Variants in GRHL2 observed in about 807,000 individuals in gnomAD.
GRHL2 encodes grainyhead like transcription factor 2.
In GRHL2, 21 loss-of-function variants were observed where a neutral mutation model predicts 83.8. The ratio of observed to expected loss-of-function variants is 0.25; its 90% CI spans 0.18 to 0.36. The LOEUF is 0.36. Among genes scored for constraint, GRHL2 ranks in the 10% least tolerant of loss-of-function variants. The pLI is 1.00. For missense variants in GRHL2, 623 were observed against 781.8 expected, an observed-to-expected ratio of 0.80 and a Z score of 2.42; for synonymous variants, 280 against 278.9, an observed-to-expected ratio of 1.00 and a Z score of -0.04.
At chr8:101,582,318 T>G (rs1812070991) in intron 7 of GRHL2, among the ~76,000 whole-genome samples, 1 of 152,120 alleles carries the variant, frequency 6.6e-6, no homozygotes, top group Non-Finnish European at 1.5e-5. Context: ...GGGTGGATAC[T>G]CTCATGCACG....
intron 14 of GRHL2, among the ~76,000 whole-genome samples, chr8:101,657,856 AAAAAAG>A (rs1003787997): frequency 2.0e-5 from 3 of 151,530 alleles, no homozygotes; most frequent in Non-Finnish European, 3.0e-5. Flanking sequence ...CAGAAAAAGA[AAAAAAG>A]AAAAACACAA....
chr8:101,528,341 G>A (rs935577803), intron 1 of GRHL2, among the ~76,000 whole-genome samples: 14 of 151,456 alleles, frequency 9.2e-5, no homozygotes, highest in African/African-American at 2.9e-4. Context: ...TAAAAATCAT[G>A]TAACTTGTTT....
At chr8:101,557,873 T>C (rs1239920442) in intron 3 of GRHL2, among the ~76,000 whole-genome samples, 3 of 152,098 alleles carry the variant, frequency 2.0e-5, no homozygotes, top group African/African-American at 7.2e-5. Flanking sequence ...GGTTAGGTTT[T>C]GTTTTGTTTT....
At chr8:101,593,177 C>T (rs938974775) in intron 7 of GRHL2, among the ~76,000 whole-genome samples, 2 of 152,026 alleles carry the variant, frequency 1.3e-5, no homozygotes, top group African/African-American at 2.4e-5. Flanking sequence ...AACTCCTGAC[C>T]TCAGATGATC....
chr8:101,549,515 G>A (rs941760994), intron 2 of GRHL2, among the ~76,000 whole-genome samples: 13 of 152,204 alleles, frequency 8.5e-5, no homozygotes, highest in Admixed American at 6.5e-4. Context: ...GTGTCCAGGG[G>A]CAGGGGATGG....
At chr8:101,648,902 C>T (rs1275115736) in intron 13 of GRHL2, among the ~76,000 whole-genome samples, 2 of 152,188 alleles carry the variant, frequency 1.3e-5, no homozygotes, top group Admixed American at 6.5e-5. Flanking sequence ...GCACTGTTTC[C>T]TGACATTTTC....
chr8:101,558,498 G>A lies in GRHL2; in HGVS notation c.364G>A (p.Val122Met). Residue 122 changes from valine to methionine, a missense_variant, in exon 4 of 16, where the codon GTG becomes ATG. Coordinates refer to ENST00000646743, the MANE Select transcript of GRHL2 (RefSeq NM_024915.4). The part of the protein sequence containing the change: ...NRVQVLKTVP[V>M]NLSLNQDHLE... ...AGTGCAAGTCCTAAAGACTGTTCCA[G>A]TGAACCTTTCCCTAAATCAAGATCA... The A allele has an allele frequency of 6.2e-7, 1 of 1,614,188 alleles. No homozygotes were observed. The highest frequency in any genetic ancestry group is 8.5e-7 in the Non-Finnish European group (1 of 1,180,036).
At chr8:101,554,026 T>C (rs1271982802) in intron 3 of GRHL2, among the ~76,000 whole-genome samples, 2 of 152,210 alleles carry the variant, frequency 1.3e-5, no homozygotes, top group Admixed American at 6.5e-5. Context: ...GGTTCTTCCA[T>C]ATGGAAGTAA....
chr8:101,623,120 A>G lies in GRHL2; in HGVS notation c.1257+3423A>G, dbSNP rs554986583. Among the ~76,000 whole-genome samples the G allele has an allele frequency of 1.8e-4, 28 of 152,376 alleles. No homozygotes were observed. The South Asian group carries it at 5.8e-3, about 32-fold the overall frequency. The stretch of plus-strand genomic sequence containing the variant: ...TTAGCAGTGGCAGGAGAAAGCAGAG[A>G]TGGTAAGGAAAACAGAAAGAAAACG... On this transcript the variant is annotated intron_variant, in intron 9 of 15. Coordinates refer to ENST00000646743, the MANE Select transcript of GRHL2 (RefSeq NM_024915.4).
chr8:101,528,041 G>A (rs1810843019), intron 1 of GRHL2, among the ~76,000 whole-genome samples: 1 of 151,928 alleles, frequency 6.6e-6, no homozygotes, highest in African/African-American at 2.4e-5. Flanking sequence ...CCAACACTTC[G>A]GTGCCTTGCC....
intron 5 of GRHL2, among the ~76,000 whole-genome samples, chr8:101,572,447 A>G (rs1586107186): frequency 6.6e-6 from 1 of 152,264 alleles, no homozygotes; most frequent in African/African-American, 2.4e-5. Context: ...AAGTTAAAAA[A>G]TAAATAAAAC....
At chr8:101,509,172 T>TTCTTTCTTTTTCTTTCTTTTCTCTC (rs1554581582) in intron 1 of GRHL2, among the ~76,000 whole-genome samples, 2 of 86,586 alleles carry the variant, frequency 2.3e-5, no homozygotes, top group Non-Finnish European at 5.8e-5. Context: ...CTTTCTTTCT[T>TTCTTTCTTTTTCTTTCTTTTCTCTC]TTTCTTTCTT....
intron 1 of GRHL2, among the ~76,000 whole-genome samples, chr8:101,536,444 T>C (rs1403895253): frequency 5.9e-5 from 9 of 152,226 alleles, no homozygotes; most frequent in Non-Finnish European, 1.2e-4. Flanking sequence ...GCTTTTATAG[T>C]GTGTCAGTAT....
At chr8:101,564,477 A>G (rs1356239981) in intron 4 of GRHL2, among the ~76,000 whole-genome samples, 2 of 152,122 alleles carry the variant, frequency 1.3e-5, no homozygotes, top group African/African-American at 2.4e-5. Flanking sequence ...GCTTTAACTC[A>G]GGCTGGGATT....
intron 9 of GRHL2, among the ~76,000 whole-genome samples, chr8:101,625,059 G>T (rs1227400592): frequency 6.6e-6 from 1 of 152,098 alleles, no homozygotes; most frequent in Non-Finnish European, 1.5e-5. Flanking sequence ...ATTTTCAAAT[G>T]ATGTATAACA....
intron 7 of GRHL2, among the ~76,000 whole-genome samples, chr8:101,581,893 G>T (rs1382460496): frequency 6.6e-6 from 1 of 152,198 alleles, no homozygotes; most frequent in African/African-American, 2.4e-5. Flanking sequence ...TAGGAAGGGT[G>T]CTGCAAGTTG....
chr8:101,498,750 G>C (rs1306532775), intron 1 of GRHL2, among the ~76,000 whole-genome samples: 1 of 152,134 alleles, frequency 6.6e-6, no homozygotes, highest in Non-Finnish European at 1.5e-5. Context: ...ATTTCTACTA[G>C]GCTCAGGAAA....
intron 1 of GRHL2, among the ~76,000 whole-genome samples, chr8:101,503,797 A>G (rs1810279949): frequency 6.6e-6 from 1 of 152,242 alleles, no homozygotes; most frequent in African/African-American, 2.4e-5. Flanking sequence ...AGTGTTCATG[A>G]TGTATTATAT....
intron 6 of GRHL2, among the ~76,000 whole-genome samples, chr8:101,575,328 A>G (rs1811912446): frequency 1.3e-5 from 2 of 152,142 alleles, no homozygotes; most frequent in Admixed American, 1.3e-4. Context: ...TCATGACAAC[A>G]GTTTGGAGTA....
Sources: gnomAD v4.1 joint callset for allele counts (sites outside exome capture counted in the v4.1 genomes callset) on GRCh38, gnomAD v4.1.1 for gene constraint, MANE v1.5 for transcripts, NCBI Gene and HGNC (gene_info 2026-07-23, HGNC 2026-07-21) for gene names.